Variants in NUP58 observed in about 807,000 individuals in gnomAD.
The protein encoded by NUP58 is nucleoporin p58/p45.
A neutral mutation model predicts 70.1 loss-of-function variants in NUP58; 17 were observed. The observed-to-expected ratio is 0.24, with a 90% CI of 0.17 to 0.36. The LOEUF is 0.36. Ranked by LOEUF, NUP58 falls within the 10% of genes least tolerant of loss-of-function variation. The probability of loss-of-function intolerance (pLI) is 1.00; values close to 1 mark genes in which losing one functional copy is unlikely to be tolerated. For synonymous variants in NUP58, 275 were observed against 257.6 expected (o/e 1.07, Z -0.65); for missense variants, 644 against 701.5 (o/e 0.92, Z 0.93).
intron 13 of NUP58, chr13:25,334,745 T>C (rs1468964173): frequency 1.0e-6 from 1 of 983,590 alleles, no homozygotes; most frequent in Non-Finnish European, 1.2e-6. Context: ...AGTTTTACTT[T>C]TAAGAAAGTA....
intron 13 of NUP58, 124 bp downstream of exon 13, chr13:25,331,682 T>C: frequency 6.8e-7 from 1 of 1,469,570 alleles, no homozygotes; most frequent in Non-Finnish European, 9.0e-7. Context: ...TCCAATACAA[T>C]CTAAAATTGT....
intron 13 of NUP58, chr13:25,336,149 T>G: frequency 7.5e-7 from 1 of 1,328,888 alleles, no homozygotes; most frequent in Non-Finnish European, 9.9e-7. Flanking sequence ...AAATCTTGAA[T>G]GTATTGAATC....
intron 3 of NUP58, among the ~76,000 whole-genome samples, chr13:25,309,660 T>C (rs1450760198): frequency 6.6e-6 from 1 of 152,220 alleles, no homozygotes; most frequent in Admixed American, 6.5e-5. Context: ...TTGGGGCTTT[T>C]AGTTATCTAT....
Position 25,327,416 on chromosome 13 carries a change from A to AT in NUP58, c.1151-10dup, listed in dbSNP as rs141911172. 2,096 of 1,553,594 alleles carry AT rather than the reference A, an allele frequency of 1.3e-3. 23 individuals are homozygous for AT. The African/African-American group carries it at 0.024, about 18-fold the overall frequency. Reference sequence around the variant, plus strand: ...ATGTATATATTTGGGTGATAATGTAATTTTCTTTTATAGATTTGTCAATGG... The same window carrying AT: ...ATGTATATATTTGGGTGATAATGTAATTTTTCTTTTATAGATTTGTCAATGG... On this transcript the variant is annotated splice_polypyrimidine_tract_variant and intron_variant, in intron 11 of 15. Coordinates refer to ENST00000381736, the MANE Select transcript of NUP58 (RefSeq NM_014089.4).
chr13:25,319,444 T>A, intron 7 of NUP58, 94 bp downstream of exon 7: 1 of 1,213,466 alleles, frequency 8.2e-7, no homozygotes, highest in Non-Finnish European at 1.2e-6. Flanking sequence ...AAATATCATA[T>A]ACATTTAGGA....
intron 9 of NUP58, among the ~76,000 whole-genome samples, chr13:25,323,446 A>T (rs1036157584): frequency 5.9e-5 from 9 of 152,138 alleles, no homozygotes; most frequent in Non-Finnish European, 7.4e-5. Context: ...AGAAAAAAAA[A>T]TAAACATTTT....
intron 1 of NUP58, among the ~76,000 whole-genome samples, chr13:25,305,143 T>TGTTTGTTTG (rs1222389603): frequency 9.7e-5 from 1 of 10,302 alleles, no homozygotes; most frequent in Non-Finnish European, 5.5e-4. Flanking sequence ...TTTTTTTTTT[T>TGTTTGTTTG]TTTTTTTTTT....
chr13:25,303,497 T>G (rs2030136201), intron 1 of NUP58, among the ~76,000 whole-genome samples: 2 of 152,144 alleles, frequency 1.3e-5, no homozygotes, highest in South Asian at 4.1e-4. Flanking sequence ...TATATTTCTC[T>G]CATGGTCCTG....
chr13:25,306,711 A>G (rs762603506), intron 1 of NUP58, among the ~76,000 whole-genome samples: 4 of 152,230 alleles, frequency 2.6e-5, no homozygotes, highest in Admixed American at 6.5e-5. Context: ...GGAAGTGTCA[A>G]CTTGTCAAAA....
In NUP58 at chr13:25,313,664, A is replaced by G. The variant is rs746727418; in HGVS notation, c.487A>G (p.Thr163Ala). 4.6e-6 allele frequency: 7 copies of G among 1,529,478 alleles called. No homozygotes were observed. The highest frequency in any genetic ancestry group is 5.2e-6 in the Non-Finnish European group (6 of 1,151,642). The allele number at this position is 1,529,478 out of a possible 1,614,324, so 94.7% of individuals were successfully genotyped here. Residue 163 changes from threonine (T) to alanine (A), a missense_variant, in exon 5 of 16, where the codon ACA becomes GCA. Transcript: ENST00000381736. ...NNLGGTTATT[T>A]TASTGLSLGG... ...TTTGGGTGGGACAACAGCCACAACT[A>G]CAACTGCATCAACAGGCCTCTCTTT...
intron 9 of NUP58, among the ~76,000 whole-genome samples, chr13:25,321,985 TTCC>T (rs1475639507): frequency 6.6e-6 from 1 of 152,220 alleles, no homozygotes; most frequent in Non-Finnish European, 1.5e-5. Flanking sequence ...CTACTTGTTT[TTCC>T]TCCTTATGGT....
At chr13:25,331,856 G>C in intron 13 of NUP58, 1 of 1,180,510 alleles carries the variant, frequency 8.5e-7, no homozygotes, top group Non-Finnish European at 1.1e-6. Flanking sequence ...TTACATTTAA[G>C]AATAACATTA....
intron 1 of NUP58, among the ~76,000 whole-genome samples, chr13:25,304,938 TG>T (rs2030245077): frequency 6.6e-6 from 1 of 152,166 alleles, no homozygotes; most frequent in Non-Finnish European, 1.5e-5. Context: ...CTAAGCTAAA[TG>T]TTTTGGCATA....
chr13:25,346,204 T>C (rs557052877), downstream of NUP58, among the ~76,000 whole-genome samples: 117 of 152,330 alleles, frequency 7.7e-4, no homozygotes, highest in African/African-American at 2.6e-3. Flanking sequence ...TCTACTCTTA[T>C]GAGCTGCCAT....
intron 12 of NUP58, 110 bp from the exon 13 acceptor site, chr13:25,331,247 G>C: frequency 9.9e-7 from 1 of 1,011,880 alleles, no homozygotes; most frequent in Non-Finnish European, 1.5e-6. Context: ...AGTTTGGATT[G>C]AATGTATAAT....
chr13:25,305,130 G>GTTTTTTTTTTTTT (rs562132125), intron 1 of NUP58, among the ~76,000 whole-genome samples: 16 of 58,560 alleles, frequency 2.7e-4, no homozygotes, highest in African/African-American at 7.2e-4. Context: ...GATCTGTGGG[G>GTTTTTTTTTTTTT]TTTTTTTTTT....
At chr13:25,312,333 A>G (rs1047872342) in intron 3 of NUP58, among the ~76,000 whole-genome samples, 2 of 152,144 alleles carry the variant, frequency 1.3e-5, no homozygotes, top group African/African-American at 4.8e-5. Context: ...GAGTAGAATA[A>G]AAATTGATAT....
Position 25,312,970 on chromosome 13 carries a change from C to T in NUP58, c.374C>T (p.Pro125Leu), listed in dbSNP as rs750916970. 8 of 1,614,206 alleles carry T rather than the reference C, an allele frequency of 5.0e-6. No individual in the cohort carries two copies. Among genetic ancestry groups the T allele is most frequent in the Non-Finnish European group, 5.1e-6 (6 of 1,180,018 alleles). ...GCATCTGCCACACCATTTGCTCTAC[C>T]TATTACCTCTACCTCAGCTAGCGGT... Reference protein sequence around the residue: ...PAASATPFALPITSTSASGLT... With the variant: ...PAASATPFALLITSTSASGLT... The change falls in exon 4 of 16, where the codon CCT becomes CTT. Residue 125 changes from proline to leucine, a missense_variant. By Grantham distance (98) the Pro-to-Leu change is moderately conservative. Transcript: ENST00000381736.
At chr13:25,342,755 T>C (rs1173185470), downstream of NUP58, among the ~76,000 whole-genome samples, 1 of 152,180 alleles carries the variant, frequency 6.6e-6, no homozygotes, top group East Asian at 1.9e-4. Flanking sequence ...TAAAAGAATA[T>C]ATAAATGTTA....
Sources: allele counts gnomAD v4.1 joint callset (sites outside exome capture counted in the v4.1 genomes callset), GRCh38; gene constraint gnomAD v4.1.1; transcripts MANE v1.5; gene names NCBI Gene and HGNC (gene_info 2026-07-23, HGNC 2026-07-21).